Variants in KLHL5 observed in about 807,000 individuals in gnomAD.
The protein encoded by KLHL5 is kelch like family member 5, also known as kelch-like protein 5.
KLHL5 carries 48 observed loss-of-function variants against 77.7 expected under a neutral mutation model. The ratio of observed to expected loss-of-function variants is 0.62; its 90% CI spans 0.49 to 0.79. The LOEUF is 0.79. Ranked by LOEUF, KLHL5 falls within the 30% of genes least tolerant of loss-of-function variation. The pLI is 0.00. For missense variants in KLHL5, 723 were observed against 859.7 expected (o/e 0.84, Z 1.99); for synonymous variants, 260 against 297.0 (o/e 0.88, Z 1.28).
chr4:39,053,545 T>A (rs1716805808), intron 1 of KLHL5, among the ~76,000 whole-genome samples: 1 of 152,176 alleles, frequency 6.6e-6, no homozygotes, highest in South Asian at 2.1e-4. Context: ...GGCAAGAATT[T>A]AGCAGTGGTT....
chr4:39,099,188 T>C (rs751835689), intron 6 of KLHL5, among the ~76,000 whole-genome samples: 5 of 152,108 alleles, frequency 3.3e-5, no homozygotes, highest in African/African-American at 7.2e-5. Context: ...CTCAGGTGGC[T>C]GAGGCAGGAG....
the KLHL5 span, among the ~76,000 whole-genome samples, chr4:39,142,720 A>G: frequency 6.6e-6 from 1 of 152,120 alleles, no homozygotes; most frequent in East Asian, 1.9e-4. Flanking sequence ...CGATCCAGCC[A>G]TAAAATGGAA....
intron 1 of KLHL5, among the ~76,000 whole-genome samples, chr4:39,070,194 G>A (rs1385104079): frequency 6.6e-6 from 1 of 152,114 alleles, no homozygotes; most frequent in African/African-American, 2.4e-5. Flanking sequence ...TTATTGGCCA[G>A]GCCTCATTGG....
chr4:39,045,052 G>T, exon 1 of KLHL5: 2 of 992,270 alleles, frequency 2.0e-6, no homozygotes, highest in Non-Finnish European at 2.4e-6. Context: ...CCGCCTGGCC[G>T]CCCCGGCCCG....
chr4:39,084,245 C>A (rs1369053348), intron 4 of KLHL5, among the ~76,000 whole-genome samples: 1 of 152,046 alleles, frequency 6.6e-6, no homozygotes, highest in Admixed American at 6.6e-5. Context: ...GTTCACTGAT[C>A]CTGCACGAAT....
chr4:39,097,546 A>G (rs1271547523), intron 6 of KLHL5, among the ~76,000 whole-genome samples: 2 of 152,236 alleles, frequency 1.3e-5, no homozygotes, highest in South Asian at 2.1e-4. Context: ...TTAGCCGCCC[A>G]TCTATGCCGT....
Position 39,103,365 on chromosome 4 carries a change from A to C in KLHL5, c.1379A>C (p.Gln460Pro). The C allele has an allele frequency of 6.2e-7, 1 of 1,614,186 alleles. No homozygotes were observed. The highest frequency in any genetic ancestry group is 8.5e-7 in the Non-Finnish European group (1 of 1,180,026). The change falls in exon 7 of 11, where the codon CAG becomes CCG. Residue 460 changes from glutamine to proline, a missense_variant. Around this residue, in one of 3 missense-constraint regions of KLHL5, gnomAD observed 288 missense variants for 400.3 expected, o/e 0.72. Coordinates refer to ENST00000504108, the MANE Select transcript of KLHL5 (RefSeq NM_015990.5). ...GCAAATATGAATGGGAGGAGGCTAC[A>C]GTTCGGTGTTGCAGTGCTAGATGAC... ...PVANMNGRRL[Q>P]FGVAVLDDKL... is the part of the protein sequence containing the mutation.
At chr4:39,106,309 G>T (rs1722032770) in intron 7 of KLHL5, among the ~76,000 whole-genome samples, 1 of 152,078 alleles carries the variant, frequency 6.6e-6, no homozygotes, top group African/African-American at 2.4e-5. Context: ...TCACATTCCT[G>T]CTTAAATGTT....
intron 5 of KLHL5, among the ~76,000 whole-genome samples, chr4:39,089,687 G>T (rs891105345): frequency 6.6e-6 from 1 of 152,162 alleles, no homozygotes; most frequent in Admixed American, 6.5e-5. Context: ...TTAGCCCAGT[G>T]GTTCTTAAAG....
At chr4:39,073,816 T>G (rs868254836) in intron 1 of KLHL5, among the ~76,000 whole-genome samples, 1 of 121,228 alleles carries the variant, frequency 8.2e-6, no homozygotes, top group Non-Finnish European at 1.8e-5. Context: ...AGCTAATTTT[T>G]TTTTTATTTT....
At chr4:39,111,857 A>G (rs1722475209) in intron 8 of KLHL5, among the ~76,000 whole-genome samples, 1 of 152,204 alleles carries the variant, frequency 6.6e-6, no homozygotes, top group Admixed American at 6.5e-5. Context: ...TTTCAGTGAC[A>G]TAGTGGCATA....
chr4:39,102,079 G>A (rs1442787058), intron 6 of KLHL5, among the ~76,000 whole-genome samples: 2 of 150,314 alleles, frequency 1.3e-5, no homozygotes, highest in East Asian at 3.9e-4. Flanking sequence ...ACTATAACAC[G>A]AGAAAATCTA....
rs752772742 is a variant in KLHL5, at chr4:39,103,299, T to C, written c.1313T>C (p.Ile438Thr). The change falls in exon 7 of 11, where the codon ATT (isoleucine) becomes ACT (threonine). Residue 438 changes from isoleucine to threonine, a missense_variant. Physicochemically the swap from Ile to Thr is moderately conservative, Grantham distance 89. This residue lies in a region of KLHL5 where 288 missense variants were observed against 400.3 expected (regional missense o/e 0.72). Coordinates refer to ENST00000504108, the MANE Select transcript of KLHL5 (RefSeq NM_015990.5). Reference protein sequence around the residue: ...GMDSTKGATSIEKYDLRTNMW... With the variant: ...GMDSTKGATSTEKYDLRTNMW... ...TATTACTATGAAGGAGCAACAAGCA[T>C]TGAAAAGTATGATCTCCGTACAAAT... 6.2e-7 allele frequency: 1 copy of C among 1,612,686 alleles called. No individual in the cohort carries two copies. Among genetic ancestry groups the C allele is most frequent in the Non-Finnish European group, 8.5e-7 (1 of 1,179,326 alleles).
chr4:39,104,793 G>T (rs1964345), intron 7 of KLHL5, among the ~76,000 whole-genome samples: 76,353 of 151,140 alleles, frequency 0.51, 19,463 homozygotes, highest in Admixed American at 0.58. Context: ...TTGAGACGGA[G>T]TCTCGTTCTG....
chr4:39,044,902 C>T, upstream of KLHL5: 1 of 981,726 alleles, frequency 1.0e-6, no homozygotes, highest in East Asian at 1.1e-4. Context: ...CGGCCTGGCG[C>T]CGCCTGACGG....
intron 2 of KLHL5, among the ~76,000 whole-genome samples, chr4:39,079,858 T>C (rs1018638376): frequency 2.0e-5 from 3 of 152,202 alleles, no homozygotes; most frequent in Non-Finnish European, 4.4e-5. Flanking sequence ...AATGGGCAGT[T>C]TTCTGAAGAA....
downstream of KLHL5, chr4:39,126,772 T>A (rs1295704695): frequency 1.1e-5 from 5 of 455,512 alleles, no homozygotes; most frequent in South Asian, 7.8e-5. Flanking sequence ...AAACTCCTTA[T>A]CTGAGGAATT....
chr4:39,078,236 A>AG (rs202217380), intron 2 of KLHL5, among the ~76,000 whole-genome samples: 1,867 of 152,116 alleles, frequency 0.012, 33 homozygotes, highest in African/African-American at 0.042. Context: ...AAATACAAAA[A>AG]TTAGCCCGGT....
At position 39,093,392 on chromosome 4, in the gene KLHL5, GA is replaced by G. The variant is rs1424998638; in HGVS notation, c.1114-3296del. 1.3e-5 allele frequency: 6 copies of G among 455,916 alleles called. No individual in the cohort carries two copies. In the Admixed American group the frequency reaches 1.4e-4, roughly 11 times the overall value. The allele number at this position is 455,916 out of a possible 1,614,324, so 28.2% of individuals were successfully genotyped here. A position where few individuals can be genotyped will look rare whatever the true frequency, so the allele number is the denominator to read the frequency against. On this transcript the variant is annotated intron_variant, in intron 5 of 10. Coordinates refer to ENST00000504108, the MANE Select transcript of KLHL5 (RefSeq NM_015990.5). ...GCATGTGGGATCTAATTGAGGTGATGAAAATGTTTCAAAACTGTTTTATGGT... is the reference window on the plus strand; with the variant it reads ...GCATGTGGGATCTAATTGAGGTGATGAAATGTTTCAAAACTGTTTTATGGT...
Sources: allele counts gnomAD v4.1 joint callset (sites outside exome capture counted in the v4.1 genomes callset), GRCh38; gene constraint gnomAD v4.1.1; regional missense constraint gnomAD v4.1.1; transcripts MANE v1.5; gene names NCBI Gene and HGNC (gene_info 2026-07-23, HGNC 2026-07-21).